Variants in TLE2 observed in about 807,000 individuals in gnomAD.
TLE2 encodes TLE family member 2, transcriptional corepressor, also known as transducin-like enhancer protein 2.
In TLE2, 74 loss-of-function variants were observed where a neutral mutation model predicts 97.2. The observed-to-expected ratio is 0.76, with a 90% CI of 0.63 to 0.92. The LOEUF is 0.92. Among genes scored for constraint, TLE2 ranks in the 40% least tolerant of loss-of-function variants. The probability of loss-of-function intolerance (pLI) is 0.00; values close to 1 mark genes in which losing one functional copy is unlikely to be tolerated. For synonymous variants in TLE2, 499 were observed against 432.1 expected (o/e 1.15, Z -1.92); for missense variants, 1,038 against 1,008.7 (o/e 1.03, Z -0.39).
upstream of TLE2, among the ~76,000 whole-genome samples, chr19:3,030,647 G>C (rs967639168): frequency 1.3e-5 from 2 of 152,166 alleles, no homozygotes; most frequent in African/African-American, 4.8e-5. Flanking sequence ...CAATGGGCCA[G>C]GGGTGGTGGG....
In TLE2 at chr19:3,015,686, C is replaced by T. The variant is rs1447131546; in HGVS notation, c.645G>A (p.Gln215=). Residue 215 remains glutamine (Q), a synonymous_variant, in exon 9 of 20, where the codon CAG becomes CAA. Coordinates refer to ENST00000262953, the MANE Select transcript of TLE2 (RefSeq NM_003260.5). ...CTGATGGCTCCTTCTCATCTGCTCT[C>T]TGCTTCCCGCCACCACCAGGGCCAC... ...RPSGPGGGGK[Q]RADEKEPSGP... 2.5e-6 allele frequency: 4 copies of T among 1,611,232 alleles called. No homozygotes were observed. The highest frequency in any genetic ancestry group is 3.4e-6 in the Non-Finnish European group (4 of 1,179,218).
chr19:3,011,299 G>C lies in TLE2; in HGVS notation c.874-139C>G, dbSNP rs562004611. The C allele has an allele frequency of 2.3e-3, 2,095 of 921,660 alleles. 4 individuals carry two copies. Among genetic ancestry groups the C allele is most frequent in the Non-Finnish European group, 2.8e-3 (1,799 of 641,078 alleles). The allele number at this position is 921,660 out of a possible 1,614,324, so 57.1% of individuals were successfully genotyped here. A position where few individuals can be genotyped will look rare whatever the true frequency, so the allele number is the denominator to read the frequency against. On this transcript the variant is annotated intron_variant, in intron 11 of 19. Coordinates refer to ENST00000262953, the MANE Select transcript of TLE2 (RefSeq NM_003260.5). ...TCCCAGCACTTTGGGAGGCCCAGTC[G>C]GGCGGATCACCTGAGGTCAGGAGTT...
intron 18 of TLE2, among the ~76,000 whole-genome samples, chr19:3,001,649 A>C (rs568827): frequency 0.086 from 12,994 of 151,192 alleles, 1,245 homozygotes; most frequent in African/African-American, 0.24. Context: ...CTGGCTGTTT[A>C]ATTTTTTTGT....
intron 1 of TLE2, among the ~76,000 whole-genome samples, chr19:3,035,774 G>C (rs2090057680): frequency 6.6e-6 from 1 of 152,184 alleles, no homozygotes; most frequent in Admixed American, 6.5e-5. Context: ...GGATCAGTAG[G>C]GCCAATCGGA....
chr19:3,033,329 A>G (rs192770360), upstream of TLE2, among the ~76,000 whole-genome samples: 55 of 151,984 alleles, frequency 3.6e-4, no homozygotes, highest in Middle Eastern at 3.4e-3. Flanking sequence ...CACCACGCCC[A>G]GCTAATTTTT....
At chr19:3,028,251 C>T in intron 3 of TLE2, 68 bp downstream of exon 3, 1 of 1,499,510 alleles carries the variant, frequency 6.7e-7, no homozygotes, top group Non-Finnish European at 9.1e-7. Context: ...GGGACCTACC[C>T]CAGAGTCCAC....
At chr19:3,013,220 G>T (rs34836093) in intron 11 of TLE2, among the ~76,000 whole-genome samples, 8,512 of 152,126 alleles carry the variant, frequency 0.056, 342 homozygotes, top group South Asian at 0.096. Context: ...ACTCCAGGAG[G>T]TCCAACTGAA....
Position 3,009,701 on chromosome 19 carries a change from G to C in TLE2, c.1014C>G (p.Ala338=). ...AKPAPSTDSV[A]LRSPLTLSSP... ...TGGACAGAGTCAGGGGGCTCCTCAG[G>C]GCTGAGACGGAAGAGTCGGGGACAG... The change falls in exon 13 of 20, where the codon GCC becomes GCG. Residue 338 remains alanine, a splice_region_variant and synonymous_variant. Coordinates refer to ENST00000262953, the MANE Select transcript of TLE2 (RefSeq NM_003260.5). The C allele has an allele frequency of 1.2e-6, 2 of 1,609,646 alleles. No homozygotes were observed. The highest frequency in any genetic ancestry group is 1.7e-6 in the Non-Finnish European group (2 of 1,178,316).
At chr19:3,029,530 A>G, upstream of TLE2, 1 of 941,904 alleles carries the variant, frequency 1.1e-6, no homozygotes, top group Non-Finnish European at 1.3e-6. Flanking sequence ...CAGTGAAGAA[A>G]TTCACACCGT....
chr19:3,020,579 A>G (rs1350421784), intron 5 of TLE2: 1 of 152,080 alleles, frequency 6.6e-6, no homozygotes, highest in Non-Finnish European at 1.5e-5. Context: ...CTTCATGACA[A>G]TAATTTCTTT....
At chr19:3,044,345 A>G (rs1054579928) in intron 1 of TLE2, among the ~76,000 whole-genome samples, 3 of 151,922 alleles carry the variant, frequency 2.0e-5, no homozygotes, top group Non-Finnish European at 2.9e-5. Context: ...ATGGCTCCCT[A>G]TGCCCCAGCT....
chr19:3,023,994 C>CTTTT (rs372319602), intron 5 of TLE2, among the ~76,000 whole-genome samples: 1 of 123,094 alleles, frequency 8.1e-6, no homozygotes, highest in African/African-American at 3.2e-5. Flanking sequence ...GAAGAGCTAA[C>CTTTT]TTTTTTTTTT....
At chr19:3,025,659 C>T (rs71339159) in intron 4 of TLE2, 117,363 of 974,080 alleles carry the variant, frequency 0.12, 7,399 homozygotes, top group Non-Finnish European at 0.13. Context: ...GCTGAGCAGA[C>T]GAGAAGGCGT....
In TLE2 at chr19:3,028,303, T is replaced by C; in HGVS notation, c.186+16A>G. The stretch of plus-strand genomic sequence containing the variant: ...GCCCGCCTCTCCCCTCACCCTGGCA[T>C]CATAAGTGCCCTCACCATGACATAA... On this transcript the variant is annotated intron_variant, in intron 3 of 19. Coordinates refer to ENST00000262953, the MANE Select transcript of TLE2 (RefSeq NM_003260.5). The C allele has an allele frequency of 1.2e-6, 2 of 1,603,160 alleles. No homozygotes were observed.
rs372076664 is a variant in TLE2, at chr19:3,003,444, C to A, written c.1897-941G>T. On this transcript the variant is annotated intron_variant, in intron 17 of 19. Transcript: ENST00000262953. Reference sequence around the variant, plus strand: ...TCTGAGGTCAGAAGTTCATGACCAGCCTGGCCAACATGGCGAAAACCCATC... The same window carrying A: ...TCTGAGGTCAGAAGTTCATGACCAGACTGGCCAACATGGCGAAAACCCATC... 1.1e-4 allele frequency among the ~76,000 whole-genome samples: 16 copies of A among 152,212 alleles called. 1 individual carries two copies. Among genetic ancestry groups the A allele is most frequent in the African/African-American group, 3.9e-4 (16 of 41,558 alleles).
chr19:2,999,215 G>C (rs2089295049), intron 19 of TLE2, among the ~76,000 whole-genome samples: 1 of 151,980 alleles, frequency 6.6e-6, no homozygotes. Flanking sequence ...TCAGGAGGTG[G>C]AGGCTGCAGT....
chr19:3,011,100 C>T lies in TLE2; in HGVS notation c.934G>A (p.Ala312Thr), dbSNP rs755642362. Residue 312 changes from alanine to threonine, a missense_variant, in exon 12 of 20, where the codon GCT becomes ACT. By Grantham distance (58) the Ala-to-Thr change is moderately conservative. Transcript: ENST00000262953. Reference protein sequence around the residue: ...KSCDSSPPQDASTPGPSSASH... With the variant: ...KSCDSSPPQDTSTPGPSSASH... ...GCCGAGCTGGGCCCGGGGGTGGAAG[C>T]GTCCTGGGGCGGGGAGGAGTCACAG... 1.2e-6 allele frequency: 2 copies of T among 1,610,364 alleles called. No homozygotes were observed. The highest frequency in any genetic ancestry group is 1.3e-5 in the African/African-American group (1 of 74,770).
intron 11 of TLE2, 86 bp from the exon 12 acceptor site, chr19:3,011,246 G>A (rs1266739639): frequency 3.5e-6 from 5 of 1,422,856 alleles, no homozygotes; most frequent in Middle Eastern, 2.1e-4. Flanking sequence ...GGTTGGGGGC[G>A]GCCAGTCGCA....
chr19:3,024,932 G>A (rs1238763353), intron 5 of TLE2, 88 bp downstream of exon 5: 2 of 1,190,638 alleles, frequency 1.7e-6, no homozygotes, highest in Admixed American at 2.1e-5. Context: ...GGCAGAATCA[G>A]TGCCTGGGGC....
Sources: allele counts gnomAD v4.1 joint callset (sites outside exome capture counted in the v4.1 genomes callset), GRCh38; gene constraint gnomAD v4.1.1; transcripts MANE v1.5; gene names NCBI Gene and HGNC (gene_info 2026-07-23, HGNC 2026-07-21).